PTPN12: variants seen among roughly 807,000 people sequenced by gnomAD.
PTPN12 encodes protein tyrosine phosphatase non-receptor type 12, also known as tyrosine-protein phosphatase non-receptor type 12.
In PTPN12, 29 loss-of-function variants were observed where a neutral mutation model predicts 97.6. That is an observed-to-expected ratio of 0.30 (90% CI 0.22 to 0.41). The LOEUF is 0.41. Among genes scored for constraint, PTPN12 ranks in the 10% least tolerant of loss-of-function variants. The pLI, the probability that PTPN12 is intolerant of heterozygous loss-of-function variation, is 1.00. For missense variants in PTPN12, 819 were observed against 926.0 expected (o/e 0.88, Z 1.50); for synonymous variants, 327 against 300.4 (o/e 1.09, Z -0.91).
chr7:77,637,138 A>G, intron 16 of PTPN12, 90 bp downstream of exon 16: 1 of 1,037,926 alleles, frequency 9.6e-7, no homozygotes. Flanking sequence ...CATGCTATAT[A>G]GTTATTTCTG....
At chr7:77,562,958 C>CAAA (rs10650218) in intron 1 of PTPN12, among the ~76,000 whole-genome samples, 29,278 of 132,918 alleles carry the variant, frequency 0.22, 4,033 homozygotes, top group East Asian at 0.69. Flanking sequence ...CTAGGCTATG[C>CAAA]AAAAAAAAAA....
intron 12 of PTPN12, among the ~76,000 whole-genome samples, chr7:77,625,526 T>TCA (rs1410012274): frequency 1.8e-5 from 2 of 112,508 alleles, no homozygotes; most frequent in African/African-American, 7.2e-5. Context: ...TCTCTCTCAC[T>TCA]CTCACTCTCA....
At chr7:77,606,108 G>A (rs117680751) in intron 8 of PTPN12, among the ~76,000 whole-genome samples, 2,789 of 151,922 alleles carry the variant, frequency 0.018, 34 homozygotes, top group Middle Eastern at 0.071. Flanking sequence ...GTGTCTGCCA[G>A]CACGCCCAGC....
intron 1 of PTPN12, among the ~76,000 whole-genome samples, chr7:77,560,268 C>T (rs1562712034): frequency 6.6e-6 from 1 of 152,180 alleles, no homozygotes. Flanking sequence ...TAATCTGAGA[C>T]ACTTTAATGG....
Position 77,561,358 on chromosome 7 carries a change from G to A in PTPN12, c.100-9720G>A, listed in dbSNP as rs551506573. 4.1e-4 allele frequency among the ~76,000 whole-genome samples: 63 copies of A among 152,294 alleles called. 1 individual carries two copies. Among genetic ancestry groups the A allele is most frequent in the African/African-American group, 1.4e-3 (60 of 41,558 alleles). ...GAATTGAAGCTATTAAGATTTTGAT[G>A]CCTGTTGGAGATTATTGGTGACTTG... On this transcript the variant is annotated intron_variant, in intron 1 of 17. Coordinates refer to ENST00000248594, the MANE Select transcript of PTPN12 (RefSeq NM_002835.4).
chr7:77,583,856 A>C (rs749561314), intron 4 of PTPN12: 28 of 407,222 alleles, frequency 6.9e-5, no homozygotes, highest in Non-Finnish European at 1.1e-4. Context: ...AAGGTGTGAT[A>C]ATAATTTAAA....
chr7:77,601,377 AT>A (rs1413230314), intron 8 of PTPN12, among the ~76,000 whole-genome samples: 1 of 151,900 alleles, frequency 6.6e-6, no homozygotes, highest in Non-Finnish European at 1.5e-5. Flanking sequence ...ATTAAAAAAA[AT>A]TTTTTTTAAG....
chr7:77,567,931 A>C (rs1246399021), intron 1 of PTPN12, among the ~76,000 whole-genome samples: 1 of 152,212 alleles, frequency 6.6e-6, no homozygotes, highest in Non-Finnish European at 1.5e-5. Flanking sequence ...ACAGCTAAGA[A>C]AGTACCAGAT....
intron 12 of PTPN12, among the ~76,000 whole-genome samples, chr7:77,621,559 C>A (rs974072517): frequency 6.6e-6 from 1 of 151,766 alleles, no homozygotes; most frequent in Non-Finnish European, 1.5e-5. Context: ...GTCTCAGCTA[C>A]TTGGGAGGCT....
intron 1 of PTPN12, among the ~76,000 whole-genome samples, chr7:77,552,405 T>C (rs894283097): frequency 6.6e-6 from 1 of 152,210 alleles, no homozygotes; most frequent in Non-Finnish European, 1.5e-5. Context: ...GTTTTTGTAT[T>C]GTTTATAAGG....
intron 13 of PTPN12, among the ~76,000 whole-genome samples, chr7:77,631,945 G>A (rs1789412982): frequency 6.6e-6 from 1 of 152,226 alleles, no homozygotes; most frequent in Non-Finnish European, 1.5e-5. Context: ...CATGAAAGGT[G>A]TTAAGCAATT....
At chr7:77,624,141 CCTGTAGTCCCAGCTG>C (rs1340023619) in intron 12 of PTPN12, among the ~76,000 whole-genome samples, 2 of 152,076 alleles carry the variant, frequency 1.3e-5, no homozygotes, top group African/African-American at 4.8e-5. Context: ...GTAGTGCACA[CCTGTAGTCCCAGCTG>C]CTTGGGAGGC....
At chr7:77,610,252 A>G (rs954271196) in intron 9 of PTPN12, among the ~76,000 whole-genome samples, 2 of 152,254 alleles carry the variant, frequency 1.3e-5, no homozygotes, top group South Asian at 4.1e-4. Flanking sequence ...TAGCCAATCC[A>G]GGAGATACTG....
At chr7:77,604,823 AT>A in intron 8 of PTPN12, 3 of 393,258 alleles carry the variant, frequency 7.6e-6, no homozygotes, top group South Asian at 2.0e-5. Flanking sequence ...ATCCACCTGG[AT>A]TTTTTATGGT....
At chr7:77,614,005 C>T (rs1366396033) in intron 11 of PTPN12, among the ~76,000 whole-genome samples, 1 of 152,152 alleles carries the variant, frequency 6.6e-6, no homozygotes, top group Non-Finnish European at 1.5e-5. Flanking sequence ...TTTCCTCCTG[C>T]CTCAGCCTCC....
intron 17 of PTPN12, 155 bp downstream of exon 17, chr7:77,638,886 T>C (rs1452245665): frequency 2.4e-6 from 3 of 1,235,402 alleles, no homozygotes; most frequent in Non-Finnish European, 3.2e-6. Flanking sequence ...TACTTAATTC[T>C]ATTTCACATT....
At chr7:77,565,894 C>T (rs1303762051) in intron 1 of PTPN12, among the ~76,000 whole-genome samples, 1 of 152,156 alleles carries the variant, frequency 6.6e-6, no homozygotes, top group Admixed American at 6.5e-5. Flanking sequence ...TTTGCATTAG[C>T]TATTGGTCTA....
chr7:77,610,957 G>T lies in PTPN12; in HGVS notation c.850G>T (p.Glu284Ter). 6.2e-7 allele frequency: 1 copy of T among 1,609,896 alleles called. No individual in the cohort carries two copies. Among genetic ancestry groups the T allele is most frequent in the South Asian group, 1.1e-5 (1 of 89,944 alleles). ...HSAVQTKEQY[E>*]LVHRAIAQLF... ...TTTTTCTCCTTCATAGGAGCAATAT[G>T]AACTTGTTCATAGAGCTATTGCCCA... Residue 284 changes from glutamate to a stop codon, truncating the protein, a stop_gained, in exon 11 of 18, where the codon GAA (glutamate) becomes TAA (stop). Coordinates refer to ENST00000248594, the MANE Select transcript of PTPN12 (RefSeq NM_002835.4). LOFTEE classifies it high-confidence loss of function.
chr7:77,605,703 G>C (rs550190035), intron 8 of PTPN12, among the ~76,000 whole-genome samples: 1 of 151,836 alleles, frequency 6.6e-6, no homozygotes, highest in East Asian at 1.9e-4. Flanking sequence ...TTACAGGCGT[G>C]AGCCACTGAG....
Sources: gnomAD v4.1 joint callset for allele counts (sites outside exome capture counted in the v4.1 genomes callset) on GRCh38, gnomAD v4.1.1 for gene constraint, MANE v1.5 for transcripts, NCBI Gene and HGNC (gene_info 2026-07-23, HGNC 2026-07-21) for gene names.